TMC1: variants seen among roughly 807,000 people sequenced by gnomAD.
TMC1 encodes the protein transmembrane channel like 1, also known as transmembrane channel-like protein 1.
TMC1 carries 84 observed loss-of-function variants against 105.8 expected under a neutral mutation model. The observed-to-expected ratio is 0.79, with a 90% CI of 0.67 to 0.95. The LOEUF is 0.95. Among genes scored for constraint, TMC1 ranks in the 40% least tolerant of loss-of-function variants. TMC1 has a pLI of 0.00. For missense variants in TMC1, 817 were observed against 914.1 expected, an observed-to-expected ratio of 0.89 and a Z score of 1.37; for synonymous variants, 315 against 311.5, an observed-to-expected ratio of 1.01 and a Z score of -0.12.
chr9:72,648,626 C>A lies in TMC1; in HGVS notation c.-23C>A. 6.2e-7 allele frequency: 1 copy of A among 1,612,270 alleles called. No individual in the cohort carries two copies. Among genetic ancestry groups the A allele is most frequent in the Non-Finnish European group, 8.5e-7 (1 of 1,178,416 alleles). On this transcript the variant is annotated 5_prime_UTR_variant, in exon 5 of 24. Transcript: ENST00000297784. ...TCTCCAAACTAGCCAGCCACTGAGA[C>A]CTTCTGACAGGACACCCCCAGGATG...
chr9:72,772,666 A>G, intron 13 of TMC1, 111 bp downstream of exon 13: 1 of 1,346,106 alleles, frequency 7.4e-7, no homozygotes, highest in Admixed American at 1.7e-5. Context: ...TAAAGGAAAC[A>G]GAGTCTGTAA....
intron 18 of TMC1, among the ~76,000 whole-genome samples, chr9:72,812,292 A>AT (rs1828719887): frequency 1.3e-5 from 2 of 152,210 alleles, no homozygotes; most frequent in Non-Finnish European, 2.9e-5. Context: ...GAGATATTAT[A>AT]TATCAGTTCG....
Position 72,538,603 on chromosome 9 carries a change from A to G in TMC1, c.-428+16690A>G, listed in dbSNP as rs570680797. ...AGGTGTCCACCACCATGCCTGGCTAATTTTTTTGTATTTTTAGTAGAGATG... is the reference window on the plus strand; with the variant it reads ...AGGTGTCCACCACCATGCCTGGCTAGTTTTTTTGTATTTTTAGTAGAGATG... On this transcript the variant is annotated intron_variant, in intron 1 of 23. Coordinates refer to ENST00000297784, the MANE Select transcript of TMC1 (RefSeq NM_138691.3). Among the ~76,000 whole-genome samples, 3 of 151,816 alleles carry G rather than the reference A, an allele frequency of 2.0e-5. No individual in the cohort carries two copies. In the East Asian group the frequency reaches 5.8e-4, roughly 30 times the overall value.
chr9:72,698,110 C>T (rs1336519964), intron 7 of TMC1, among the ~76,000 whole-genome samples: 1 of 151,846 alleles, frequency 6.6e-6, no homozygotes, highest in Non-Finnish European at 1.5e-5. Flanking sequence ...CATGGCTACA[C>T]AGCATCATAG....
intron 2 of TMC1, among the ~76,000 whole-genome samples, chr9:72,600,641 T>G (rs980994207): frequency 2.0e-5 from 3 of 152,164 alleles, no homozygotes; most frequent in Admixed American, 6.5e-5. Context: ...GAAATTCTTT[T>G]TCTAGTAATT....
Position 72,821,017 on chromosome 9 carries a change from T to C in TMC1, c.1939T>C (p.Ser647Pro), listed in dbSNP as rs138527651. 12 of 1,614,098 alleles carry C rather than the reference T, an allele frequency of 7.4e-6. No individual in the cohort carries two copies. The highest frequency in any genetic ancestry group is 3.3e-4 in the Middle Eastern group (2 of 6,084). The change falls in exon 20 of 24, where the codon TCC (serine) becomes CCC (proline). Residue 647 changes from serine to proline, a missense_variant. By Grantham distance (74) the Ser-to-Pro change is moderately conservative. Transcript: ENST00000297784. ...LGMLLLILFL[S>P]TMPVLYMIVS... ...CATGCTACTGCTCATCCTCTTCCTGTCCACAATGCCTGTCTTGTACATGAT... is the reference window on the plus strand; with the variant it reads ...CATGCTACTGCTCATCCTCTTCCTGCCCACAATGCCTGTCTTGTACATGAT...
chr9:72,547,968 C>T (rs1459294400), intron 1 of TMC1, among the ~76,000 whole-genome samples: 2 of 152,152 alleles, frequency 1.3e-5, no homozygotes, highest in African/African-American at 4.8e-5. Flanking sequence ...TTGTTCTATC[C>T]TCACATGGCA....
At chr9:72,646,908 G>A (rs766272256) in intron 4 of TMC1, among the ~76,000 whole-genome samples, 17 of 152,050 alleles carry the variant, frequency 1.1e-4, no homozygotes, top group Non-Finnish European at 2.4e-4. Flanking sequence ...CTGGGAGGCT[G>A]AGGTGGGTGG....
intron 12 of TMC1, among the ~76,000 whole-genome samples, chr9:72,755,176 A>G (rs1827660035): frequency 6.6e-6 from 1 of 152,142 alleles, no homozygotes; most frequent in Admixed American, 6.5e-5. Flanking sequence ...ATTTAGGACA[A>G]TGGTAATATG....
At chr9:72,551,872 A>G (rs1823865119) in intron 1 of TMC1, among the ~76,000 whole-genome samples, 1 of 152,172 alleles carries the variant, frequency 6.6e-6, no homozygotes, top group East Asian at 1.9e-4. Flanking sequence ...GGCAGAGATT[A>G]GAGTGATGTG....
rs371521419 is a variant in TMC1, at chr9:72,684,897, A to T, written c.17-3812A>T. Among the ~76,000 whole-genome samples the T allele has an allele frequency of 2.3e-3, 349 of 152,224 alleles. 2 individuals carry two copies. Among genetic ancestry groups the T allele is most frequent in the African/African-American group, 8.2e-3 (342 of 41,544 alleles). On this transcript the variant is annotated intron_variant, in intron 5 of 23. Coordinates refer to ENST00000297784, the MANE Select transcript of TMC1 (RefSeq NM_138691.3). Reference sequence around the variant, plus strand: ...TTCATTTATGCCTGTCATGCCACTGATTAACATCCCTATCAAGAAAGTTTA... The same window carrying T: ...TTCATTTATGCCTGTCATGCCACTGTTTAACATCCCTATCAAGAAAGTTTA...
At chr9:72,767,948 G>A (rs911660816) in intron 12 of TMC1, among the ~76,000 whole-genome samples, 2 of 152,164 alleles carry the variant, frequency 1.3e-5, no homozygotes, top group African/African-American at 2.4e-5. Context: ...GATGAGGAGC[G>A]TTCTCCTTCT....
chr9:72,692,730 C>T (rs115197311), intron 6 of TMC1, among the ~76,000 whole-genome samples: 5,937 of 152,088 alleles, frequency 0.039, 188 homozygotes, highest in Middle Eastern at 0.11. Flanking sequence ...TGATGGGGTT[C>T]AAATAACATA....
chr9:72,597,062 G>A (rs182053515), intron 2 of TMC1, among the ~76,000 whole-genome samples: 3 of 152,294 alleles, frequency 2.0e-5, no homozygotes, highest in South Asian at 2.1e-4. Context: ...TGCTGCTAAC[G>A]TCAAAGAGCT....
chr9:72,541,332 C>T (rs1339489567), intron 1 of TMC1, among the ~76,000 whole-genome samples: 2 of 152,138 alleles, frequency 1.3e-5, no homozygotes, highest in Non-Finnish European at 2.9e-5. Flanking sequence ...GTTATTCAAA[C>T]CATACAGAAC....
At chr9:72,665,426 T>A (rs745718321) in intron 5 of TMC1, among the ~76,000 whole-genome samples, 3 of 152,252 alleles carry the variant, frequency 2.0e-5, no homozygotes, top group Non-Finnish European at 2.9e-5. Context: ...TTATATGGAC[T>A]CAAAGCCATA....
chr9:72,710,050 C>G lies in TMC1; in HGVS notation c.362+9407C>G, dbSNP rs540148985. 5.9e-4 allele frequency among the ~76,000 whole-genome samples: 90 copies of G among 152,130 alleles called. 1 individual carries two copies. The highest frequency in any genetic ancestry group is 2.2e-3 in the Admixed American group (34 of 15,264). ...TCCCAGCAGTTTTGATAGGTTGTGT[C>G]ACTATTATTGTTCAGTTCAAAGAAT... is the stretch of plus-strand genomic sequence containing the variant. On this transcript the variant is annotated intron_variant, in intron 8 of 23. Coordinates refer to ENST00000297784, the MANE Select transcript of TMC1 (RefSeq NM_138691.3).
intron 8 of TMC1, among the ~76,000 whole-genome samples, chr9:72,719,808 T>C (rs1826988687): frequency 6.6e-6 from 1 of 152,200 alleles, no homozygotes; most frequent in African/African-American, 2.4e-5. Flanking sequence ...TACAGGTATC[T>C]TGAGTATAGC....
intron 2 of TMC1, among the ~76,000 whole-genome samples, chr9:72,581,077 T>G (rs974299571): frequency 1.3e-5 from 2 of 152,216 alleles, no homozygotes; most frequent in Non-Finnish European, 2.9e-5. Context: ...CAAAAGAATT[T>G]TTATGCTATT....
Sources: allele counts gnomAD v4.1 joint callset (sites outside exome capture counted in the v4.1 genomes callset), GRCh38; gene constraint gnomAD v4.1.1; transcripts MANE v1.5; gene names NCBI Gene and HGNC (gene_info 2026-07-23, HGNC 2026-07-21).